Variants in TTLL5 observed in about 807,000 individuals in gnomAD.
TTLL5 encodes the protein tubulin tyrosine ligase like 5.
Under a neutral mutation model 168.4 loss-of-function variants are expected in TTLL5, and 132 were observed. The ratio of observed to expected loss-of-function variants is 0.78; its 90% CI spans 0.68 to 0.91. The LOEUF is 0.91. Ranked by LOEUF, TTLL5 falls within the 40% of genes least tolerant of loss-of-function variation. The pLI, the probability that TTLL5 is intolerant of heterozygous loss-of-function variation, is 0.00. For missense variants in TTLL5, 1,545 were observed against 1,581.5 expected (o/e 0.98, Z 0.39); for synonymous variants, 546 against 558.6 (o/e 0.98, Z 0.32).
At chr14:75,683,469 G>A (rs544866307) in intron 4 of TTLL5, 81 bp from the exon 5 acceptor site, 3 of 1,154,728 alleles carry the variant, frequency 2.6e-6, no homozygotes, top group East Asian at 4.7e-5. Flanking sequence ...AAATCACTGT[G>A]GCTTTTTCTG....
chr14:75,891,825 T>G (rs1197537006), intron 30 of TTLL5, among the ~76,000 whole-genome samples: 1 of 152,354 alleles, frequency 6.6e-6, no homozygotes, highest in Non-Finnish European at 1.5e-5. Flanking sequence ...CTTAACTAAC[T>G]TTTCTAGAGA....
At chr14:75,812,050 A>G (rs1290227083) in intron 27 of TTLL5, among the ~76,000 whole-genome samples, 10 of 152,154 alleles carry the variant, frequency 6.6e-5, no homozygotes, top group Admixed American at 6.5e-4. Flanking sequence ...TCCCTACCCC[A>G]CACATTCAGA....
intron 28 of TTLL5, among the ~76,000 whole-genome samples, chr14:75,824,841 CTGTTA>C (rs1436259939): frequency 1.3e-5 from 2 of 151,678 alleles, no homozygotes; most frequent in African/African-American, 4.9e-5. Context: ...TCCTCTGCCT[CTGTTA>C]TAAGGGAATT....
intron 10 of TTLL5, among the ~76,000 whole-genome samples, chr14:75,719,268 TG>T (rs1221529151): frequency 1.3e-5 from 2 of 152,244 alleles, no homozygotes; most frequent in African/African-American, 4.8e-5. Flanking sequence ...CAATTCTGTG[TG>T]GGGTTATTTC....
intron 18 of TTLL5, among the ~76,000 whole-genome samples, chr14:75,761,625 C>T (rs1183183286): frequency 1.3e-5 from 2 of 152,116 alleles, no homozygotes; most frequent in Non-Finnish European, 2.9e-5. Context: ...AATTCTGGAA[C>T]AGGCAAAAGT....
At chr14:75,821,887 C>T (rs1894854133) in intron 28 of TTLL5, among the ~76,000 whole-genome samples, 2 of 152,180 alleles carry the variant, frequency 1.3e-5, no homozygotes, top group African/African-American at 2.4e-5. Flanking sequence ...CCACAGCAGC[C>T]TTCTCTTTAC....
intron 12 of TTLL5, among the ~76,000 whole-genome samples, chr14:75,721,736 ATGTCTGGCCCTTACGTTGTACTC>A (rs1409608506): frequency 6.6e-6 from 1 of 152,188 alleles, no homozygotes; most frequent in Non-Finnish European, 1.5e-5. Context: ...ACTTGACACA[ATGTCTGGCCCTTACGTTGTACTC>A]AATAAAAATT....
intron 31 of TTLL5, among the ~76,000 whole-genome samples, chr14:75,914,903 A>G (rs11159158): frequency 0.85 from 129,109 of 152,108 alleles, 54,868 homozygotes; most frequent in Admixed American, 0.89. Flanking sequence ...GATTACAGGC[A>G]TGAGCCACTG....
intron 24 of TTLL5, among the ~76,000 whole-genome samples, chr14:75,781,523 T>C (rs1228270603): frequency 6.6e-6 from 1 of 152,200 alleles, no homozygotes; most frequent in Non-Finnish European, 1.5e-5. Context: ...TGACAAAGAT[T>C]TTGGAATATT....
intron 27 of TTLL5, among the ~76,000 whole-genome samples, chr14:75,812,259 G>A (rs1894089640): frequency 6.6e-6 from 1 of 152,142 alleles, no homozygotes; most frequent in African/African-American, 2.4e-5. Flanking sequence ...AGGAGAGCAA[G>A]GGGTGAAACA....
intron 28 of TTLL5, among the ~76,000 whole-genome samples, chr14:75,826,033 T>C (rs175887): frequency 0.033 from 5,052 of 151,532 alleles, 92 homozygotes; most frequent in Middle Eastern, 0.088. Context: ...TAAAGGAACG[T>C]TGGGAAGCTT....
At chr14:75,809,477 A>T (rs1595076975) in intron 27 of TTLL5, among the ~76,000 whole-genome samples, 1 of 152,176 alleles carries the variant, frequency 6.6e-6, no homozygotes, top group African/African-American at 2.4e-5. Context: ...TGGGGGGTAC[A>T]TATGATGTTT....
chr14:75,863,930 A>AAAAAAAC, intron 29 of TTLL5, 68 bp downstream of exon 29: 1 of 1,310,138 alleles, frequency 7.6e-7, no homozygotes, highest in East Asian at 2.8e-5. Context: ...AAAAAAAAAA[A>AAAAAAAC]AAAAGGTCAG....
chr14:75,717,024 ATTC>A (rs1887514271), intron 9 of TTLL5, among the ~76,000 whole-genome samples: 1 of 151,432 alleles, frequency 6.6e-6, no homozygotes, highest in African/African-American at 2.4e-5. Context: ...GATCAGTTCT[ATTC>A]TTTCTATGGA....
chr14:75,928,589 T>C (rs1412841623), intron 31 of TTLL5, among the ~76,000 whole-genome samples: 3 of 151,792 alleles, frequency 2.0e-5, no homozygotes, highest in African/African-American at 7.3e-5. Context: ...CTCAGCATTC[T>C]ACGATGCTTA....
At chr14:75,739,660 T>C (rs975768044) in intron 15 of TTLL5, among the ~76,000 whole-genome samples, 1 of 152,212 alleles carries the variant, frequency 6.6e-6, no homozygotes, top group African/African-American at 2.4e-5. Flanking sequence ...ATTTGAGCTC[T>C]GCCAAAAACT....
chr14:75,750,632 T>C (rs1323325545), intron 17 of TTLL5, among the ~76,000 whole-genome samples: 2 of 152,054 alleles, frequency 1.3e-5, no homozygotes, highest in Non-Finnish European at 2.9e-5. Flanking sequence ...AGGCTATTAG[T>C]AATTAACTTT....
chr14:75,761,390 T>G (rs1046693025), intron 18 of TTLL5, among the ~76,000 whole-genome samples: 5 of 152,196 alleles, frequency 3.3e-5, no homozygotes, highest in Non-Finnish European at 5.9e-5. Context: ...CAAAACAGCT[T>G]GTACAAATAG....
intron 12 of TTLL5, among the ~76,000 whole-genome samples, chr14:75,730,152 C>T (rs571305014): frequency 3.9e-5 from 6 of 152,154 alleles, no homozygotes; most frequent in Admixed American, 2.0e-4. Context: ...TTTCGTCAAT[C>T]AAATGTTGTA....
Sources: gnomAD v4.1 joint callset for allele counts (sites outside exome capture counted in the v4.1 genomes callset) on GRCh38, gnomAD v4.1.1 for gene constraint, MANE v1.5 for transcripts, NCBI Gene and HGNC (gene_info 2026-07-23, HGNC 2026-07-21) for gene names.